PLXNC1: variants seen among roughly 807,000 people sequenced by gnomAD.
PLXNC1 encodes plexin C1.
In PLXNC1, 75 loss-of-function variants were observed where a neutral mutation model predicts 178.2. The ratio of observed to expected loss-of-function variants is 0.42; its 90% CI spans 0.35 to 0.51. The LOEUF is 0.51. Ranked by LOEUF, PLXNC1 falls within the 20% of genes least tolerant of loss-of-function variation. The probability of loss-of-function intolerance (pLI) is 0.02; values close to 1 mark genes in which losing one functional copy is unlikely to be tolerated. For synonymous variants in PLXNC1, 790 were observed against 779.9 expected, an observed-to-expected ratio of 1.01 and a Z score of -0.22; for missense variants, 1,503 against 1,984.4, an observed-to-expected ratio of 0.76 and a Z score of 4.61.
intron 4 of PLXNC1, among the ~76,000 whole-genome samples, chr12:94,187,884 G>A (rs530646700): frequency 4.9e-4 from 75 of 152,222 alleles, no homozygotes; most frequent in African/African-American, 1.7e-3. Flanking sequence ...AAGACCAGAC[G>A]AAGGAGTGAG....
intron 23 of PLXNC1, among the ~76,000 whole-genome samples, chr12:94,288,405 TTGG>T (rs1381347156): frequency 6.6e-6 from 1 of 152,222 alleles, no homozygotes; most frequent in Non-Finnish European, 1.5e-5. Context: ...CCACACATTC[TTGG>T]TGGCCCAACT....
chr12:94,217,856 G>T (rs984207284), intron 5 of PLXNC1, among the ~76,000 whole-genome samples: 1 of 152,140 alleles, frequency 6.6e-6, no homozygotes, highest in Admixed American at 6.5e-5. Context: ...TAGCTGTTTG[G>T]TTCACTGGTA....
rs1444976875 is a variant in PLXNC1 at position 94,198,601 on chromosome 12, T to G, written c.1440-10989T>G. ...ATAACAAATTACTACCAACACAAATTTATCGTCTCCCAGTTCTGGAGGCCA... is the reference window on the plus strand; with the variant it reads ...ATAACAAATTACTACCAACACAAATGTATCGTCTCCCAGTTCTGGAGGCCA... On this transcript the variant is annotated intron_variant, in intron 4 of 30. Coordinates refer to ENST00000258526, the MANE Select transcript of PLXNC1 (RefSeq NM_005761.3). 2.0e-5 allele frequency among the ~76,000 whole-genome samples: 3 copies of G among 152,116 alleles called. No homozygotes were observed. In the East Asian group the frequency reaches 5.8e-4, roughly 29 times the overall value.
chr12:94,238,009 G>C (rs1411928577), intron 10 of PLXNC1, among the ~76,000 whole-genome samples: 1 of 152,162 alleles, frequency 6.6e-6, no homozygotes, highest in Non-Finnish European at 1.5e-5. Flanking sequence ...GAGAGAATCT[G>C]TTCTGTGTTA....
intron 2 of PLXNC1, among the ~76,000 whole-genome samples, chr12:94,177,551 GA>G (rs1405742138): frequency 1.3e-5 from 2 of 149,184 alleles, no homozygotes; most frequent in African/African-American, 2.5e-5. Flanking sequence ...GAGAGAGAAA[GA>G]AAAAGAAAGA....
chr12:94,244,702 C>A (rs1964480746), intron 12 of PLXNC1, among the ~76,000 whole-genome samples: 1 of 152,200 alleles, frequency 6.6e-6, no homozygotes, highest in Admixed American at 6.5e-5. Context: ...TACACCAACA[C>A]TAACGATAGC....
intron 4 of PLXNC1, among the ~76,000 whole-genome samples, chr12:94,196,002 A>G (rs946832179): frequency 1.3e-5 from 2 of 151,870 alleles, no homozygotes; most frequent in African/African-American, 4.8e-5. Flanking sequence ...TCTCCAAGTG[A>G]CACTCCTTCC....
chr12:94,177,111 GTATATA>G (rs1162713981), intron 2 of PLXNC1, among the ~76,000 whole-genome samples: 1 of 135,200 alleles, frequency 7.4e-6, no homozygotes, highest in Non-Finnish European at 1.6e-5. Flanking sequence ...ATGTGTGTGT[GTATATA>G]TGTGTGTGTG....
chr12:94,267,375 A>G (rs1965301496), intron 21 of PLXNC1, among the ~76,000 whole-genome samples: 1 of 152,194 alleles, frequency 6.6e-6, no homozygotes. Context: ...TTCACAGTCA[A>G]TTAAGACCAT....
At chr12:94,182,367 A>G (rs924789003) in intron 3 of PLXNC1, among the ~76,000 whole-genome samples, 6 of 142,456 alleles carry the variant, frequency 4.2e-5, no homozygotes, top group African/African-American at 7.9e-5. Flanking sequence ...GCAGTGAGCC[A>G]TGATCAAACC....
chr12:94,175,599 C>A (rs1039641285), intron 2 of PLXNC1, among the ~76,000 whole-genome samples: 2 of 152,186 alleles, frequency 1.3e-5, no homozygotes, highest in African/African-American at 2.4e-5. Context: ...AAGACATCAA[C>A]AGAAACAATA....
intron 4 of PLXNC1, among the ~76,000 whole-genome samples, chr12:94,201,295 G>A (rs1297375254): frequency 1.3e-5 from 2 of 152,202 alleles, no homozygotes; most frequent in African/African-American, 4.8e-5. Flanking sequence ...GGCATGTTGG[G>A]CATTGAGCTG....
At chr12:94,279,256 C>T (rs1408356024) in intron 21 of PLXNC1, among the ~76,000 whole-genome samples, 1 of 152,074 alleles carries the variant, frequency 6.6e-6, no homozygotes, top group African/African-American at 2.4e-5. Flanking sequence ...TCAATGCTTG[C>T]TCTATAATGA....
intron 1 of PLXNC1, among the ~76,000 whole-genome samples, chr12:94,156,730 CAG>C (rs1961185623): frequency 8.5e-6 from 1 of 118,320 alleles, no homozygotes; most frequent in South Asian, 2.8e-4. Context: ...TTTTTTTAAA[CAG>C]AGTCTCACCC....
intron 9 of PLXNC1, among the ~76,000 whole-genome samples, chr12:94,232,772 C>T (rs370074128): frequency 2.0e-5 from 3 of 152,156 alleles, no homozygotes; most frequent in Non-Finnish European, 2.9e-5. Flanking sequence ...AGCTAAGATT[C>T]GCTGAGCCTG....
chr12:94,262,733 T>G, intron 20 of PLXNC1: 3 of 985,428 alleles, frequency 3.0e-6, no homozygotes, highest in Non-Finnish European at 3.6e-6. Flanking sequence ...CACAGACGTT[T>G]AGTGGGTGAC....
At chr12:94,186,098 A>C (rs115408028) in intron 3 of PLXNC1, 1 of 288,976 alleles carries the variant, frequency 3.5e-6, no homozygotes, top group Non-Finnish European at 6.8e-6. Flanking sequence ...AAATCTTTTA[A>C]ATGAAAAAAT....
chr12:94,160,920 G>C (rs2135929110), intron 1 of PLXNC1, among the ~76,000 whole-genome samples: 1 of 152,306 alleles, frequency 6.6e-6, no homozygotes, highest in South Asian at 2.1e-4. Context: ...TCAAAGTAGA[G>C]ATGAGCATAA....
rs1592710143 is a variant in PLXNC1 at position 94,149,151 on chromosome 12, G to A, written c.180G>A (p.Ala60=). The A allele has an allele frequency of 6.3e-7, 1 of 1,590,310 alleles. No homozygotes were observed. Among genetic ancestry groups the A allele is most frequent in the Non-Finnish European group, 8.5e-7 (1 of 1,172,674 alleles). Residue 60 remains alanine (A), a synonymous_variant, in exon 1 of 31, where the codon GCG becomes GCA. Transcript: ENST00000258526. The part of the protein sequence containing the change: ...AASQEDGVFV[A]SGSCLDQLDY... ...GCCAGGAGGACGGCGTGTTTGTGGC[G>A]AGCGGCAGCTGCCTGGACCAGCTGG...
Sources: gnomAD v4.1 joint callset for allele counts (sites outside exome capture counted in the v4.1 genomes callset) on GRCh38, gnomAD v4.1.1 for gene constraint, MANE v1.5 for transcripts, NCBI Gene and HGNC (gene_info 2026-07-23, HGNC 2026-07-21) for gene names.